MYOCD: variants seen among roughly 807,000 people sequenced by gnomAD.
MYOCD encodes the protein myocardin.
A neutral mutation model predicts 96.1 loss-of-function variants in MYOCD; 32 were observed. The ratio of observed to expected loss-of-function variants is 0.33; its 90% CI spans 0.25 to 0.45. The LOEUF is 0.45. MYOCD is among the 20% of genes least tolerant of loss of function. The pLI, the probability that MYOCD is intolerant of heterozygous loss-of-function variation, is 1.00. For synonymous variants in MYOCD, 469 were observed against 469.0 expected (o/e 1.00, Z 0.00); for missense variants, 1,133 against 1,200.6 (o/e 0.94, Z 0.83).
chr17:12,677,979 G>C (rs549894018), intron 1 of MYOCD, among the ~76,000 whole-genome samples: 1 of 145,752 alleles, frequency 6.9e-6, no homozygotes, highest in Non-Finnish European at 1.5e-5. Flanking sequence ...TGCAACCTCC[G>C]CCTCCCAGGT....
intron 1 of MYOCD, among the ~76,000 whole-genome samples, chr17:12,695,025 A>G (rs1238996626): frequency 6.6e-6 from 1 of 152,094 alleles, no homozygotes. Context: ...AACCCTTATA[A>G]TGTGATCCCA....
At chr17:12,743,136 A>G (rs944275412) in intron 7 of MYOCD, among the ~76,000 whole-genome samples, 6 of 152,174 alleles carry the variant, frequency 3.9e-5, no homozygotes, top group Non-Finnish European at 5.9e-5. Flanking sequence ...TTATCTTCCA[A>G]GACTATACCC....
intron 1 of MYOCD, among the ~76,000 whole-genome samples, chr17:12,676,775 G>A (rs1440596376): frequency 2.6e-5 from 4 of 152,172 alleles, no homozygotes; most frequent in Non-Finnish European, 5.9e-5. Flanking sequence ...AAATCTCAAT[G>A]TATATGTGGT....
intron 1 of MYOCD, among the ~76,000 whole-genome samples, chr17:12,684,845 C>CA (rs1190970523): frequency 0.092 from 6,050 of 65,984 alleles, 160 homozygotes; most frequent in Non-Finnish European, 0.12. Context: ...GAATTCGTCT[C>CA]AAAAAAAAAA....
intron 1 of MYOCD, among the ~76,000 whole-genome samples, chr17:12,688,177 A>G (rs1415679164): frequency 6.6e-6 from 1 of 152,252 alleles, no homozygotes; most frequent in Admixed American, 6.5e-5. Flanking sequence ...AGGAAAAGGC[A>G]GCTGTTCTCC....
chr17:12,748,404 G>T (rs1222086899), intron 9 of MYOCD, among the ~76,000 whole-genome samples: 1 of 152,146 alleles, frequency 6.6e-6, no homozygotes, highest in Non-Finnish European at 1.5e-5. Context: ...AAAGGTAGGA[G>T]AAGTGGGTTG....
chr17:12,731,146 C>G (rs1357402783), intron 5 of MYOCD, among the ~76,000 whole-genome samples: 1 of 152,244 alleles, frequency 6.6e-6, no homozygotes, highest in Non-Finnish European at 1.5e-5. Context: ...CGCTCTCCAT[C>G]AGCTCCCAGC....
intron 2 of MYOCD, among the ~76,000 whole-genome samples, chr17:12,710,778 T>G (rs1311160891): frequency 6.6e-6 from 1 of 152,176 alleles, no homozygotes; most frequent in Non-Finnish European, 1.5e-5. Flanking sequence ...TCTTCCCTTC[T>G]TTCTAACATC....
chr17:12,738,911 C>G (rs1330006892), intron 6 of MYOCD, among the ~76,000 whole-genome samples: 1 of 151,484 alleles, frequency 6.6e-6, no homozygotes, highest in Non-Finnish European at 1.5e-5. Context: ...GAATGATTCC[C>G]TTTCTCTCTC....
In MYOCD at chr17:12,666,104, C is replaced by A. The variant is rs1909360702; in HGVS notation, c.-85C>A. 1 of 971,242 alleles carries A rather than the reference C, an allele frequency of 1.0e-6. No homozygotes were observed. The highest frequency in any genetic ancestry group is 1.6e-6 in the Non-Finnish European group (1 of 606,242). 60.2% of individuals were successfully genotyped at this position (971,242 alleles called of 1,614,324 possible). On this transcript the variant is annotated 5_prime_UTR_variant, in exon 1 of 14. Transcript: ENST00000425538. ...TGGATGAATTCTGGGTTGTTAGCTGCGGTCAGCTGGGCTCCCGGGAGCCTG... is the reference window on the plus strand; with the variant it reads ...TGGATGAATTCTGGGTTGTTAGCTGAGGTCAGCTGGGCTCCCGGGAGCCTG...
At chr17:12,692,500 G>T (rs113960378) in intron 1 of MYOCD, among the ~76,000 whole-genome samples, 2,390 of 152,254 alleles carry the variant, frequency 0.016, 61 homozygotes, top group African/African-American at 0.052. Flanking sequence ...GAAGGCTGGG[G>T]CTCTTGGACA....
rs551141159 is a variant in MYOCD, at chr17:12,731,007, A to C, written c.416-5154A>C. Among the ~76,000 whole-genome samples the C allele has an allele frequency of 2.0e-5, 3 of 152,356 alleles. No homozygotes were observed. The South Asian group carries it at 6.2e-4, about 32-fold the overall frequency. The stretch of plus-strand genomic sequence containing the variant: ...AGGAGAGGCTCCGAGTCACCAGCCC[A>C]AGATCCCCAAGGGGCCAGTGCCCAG... On this transcript the variant is annotated intron_variant, in intron 5 of 13. Coordinates refer to ENST00000425538, the MANE Select transcript of MYOCD (RefSeq NM_001146312.3).
chr17:12,688,111 T>C (rs1329592939), intron 1 of MYOCD, among the ~76,000 whole-genome samples: 1 of 152,240 alleles, frequency 6.6e-6, no homozygotes, highest in Admixed American at 6.5e-5. Flanking sequence ...CCTAGTGTTA[T>C]TGGTTTAGGA....
intron 1 of MYOCD, among the ~76,000 whole-genome samples, chr17:12,671,430 G>C (rs940297883): frequency 3.9e-4 from 59 of 152,246 alleles, no homozygotes; most frequent in African/African-American, 1.4e-3. Context: ...TAAGGAGGTA[G>C]GGGTGTAGCC....
chr17:12,716,418 A>G (rs2031641746), intron 3 of MYOCD, among the ~76,000 whole-genome samples: 1 of 152,220 alleles, frequency 6.6e-6, no homozygotes, highest in Non-Finnish European at 1.5e-5. Flanking sequence ...ACTAGACATC[A>G]GAAACCTGGG....
intron 10 of MYOCD, 140 bp from the exon 11 acceptor site, chr17:12,756,274 A>G: frequency 1.0e-6 from 1 of 980,686 alleles, no homozygotes; most frequent in Non-Finnish European, 1.5e-6. Flanking sequence ...GATTTTAGGC[A>G]AGTTCATCTG....
rs144657921 is a variant in MYOCD at position 12,669,681 on chromosome 17, C to T, written c.55+3438C>T. On this transcript the variant is annotated intron_variant, in intron 1 of 13. Transcript: ENST00000425538. ...TTGCCCAGGCTGGAGTGCAGTGTCA[C>T]GATCTCGGCTCACTGCAAGCTCCGC... Among the ~76,000 whole-genome samples, 750 of 152,042 alleles carry T rather than the reference C, an allele frequency of 4.9e-3. 10 individuals are homozygous for T. The highest frequency in any genetic ancestry group is 0.018 in the African/African-American group (728 of 41,494).
chr17:12,722,914 T>G lies in MYOCD; in HGVS notation c.321T>G (p.Asp107Glu). Residue 107 changes from aspartate (D) to glutamate (E), a missense_variant, in exon 5 of 14, where the codon GAT becomes GAG. Coordinates refer to ENST00000425538, the MANE Select transcript of MYOCD (RefSeq NM_001146312.3). ...MKLKRARLADDLNEKIALRPG... is the reference protein window; with the variant it reads ...MKLKRARLADELNEKIALRPG... ...TGAAAAGAGCCCGACTCGCCGATGA[T>G]CTCAATGAAAAAATTGCTCTACGAC... 6.2e-7 allele frequency: 1 copy of G among 1,613,946 alleles called. No individual in the cohort carries two copies.
intron 9 of MYOCD, among the ~76,000 whole-genome samples, chr17:12,750,004 C>T (rs533806379): frequency 1.3e-5 from 2 of 152,136 alleles, no homozygotes; most frequent in South Asian, 4.2e-4. Flanking sequence ...CGCCCGCCAT[C>T]ATGCCCAGCT....
Sources: allele counts gnomAD v4.1 joint callset (sites outside exome capture counted in the v4.1 genomes callset), GRCh38; gene constraint gnomAD v4.1.1; transcripts MANE v1.5; gene names NCBI Gene and HGNC (gene_info 2026-07-23, HGNC 2026-07-21).